Variants in UTRN observed in about 807,000 individuals in gnomAD.
UTRN encodes utrophin.
UTRN carries 283 observed loss-of-function variants against 463.9 expected under a neutral mutation model. That is an observed-to-expected ratio of 0.61 (90% CI 0.55 to 0.67). The LOEUF (loss-of-function observed/expected upper bound fraction) is 0.67, where lower values mean the gene tolerates loss of function less well. UTRN is among the 30% of genes least tolerant of loss of function. The probability of loss-of-function intolerance (pLI) is 0.00; values close to 1 mark genes in which losing one functional copy is unlikely to be tolerated. For synonymous variants in UTRN, 1,442 were observed against 1,431.5 expected, an observed-to-expected ratio of 1.01 and a Z score of -0.17; for missense variants, 3,922 against 4,084.3, an observed-to-expected ratio of 0.96 and a Z score of 1.08.
Position 144,657,224 on chromosome 6 carries a change from T to C in UTRN, c.7480-21182T>C, listed in dbSNP as rs190174710. Among the ~76,000 whole-genome samples, 1,224 of 123,546 alleles carry C rather than the reference T, an allele frequency of 9.9e-3. 14 individuals are homozygous for C. Among genetic ancestry groups the C allele is most frequent in the African/African-American group, 0.035 (1,154 of 32,624 alleles). The allele number at this position is 123,546 out of a possible 152,430, so 81.1% of individuals were successfully genotyped here. ...GAGATCGCGCCATTGCACTCCAGCC[T>C]GGGCAACAAGAGCGAAACTCCATCT... On this transcript the variant is annotated intron_variant, in intron 51 of 74. Transcript: ENST00000367545.
intron 35 of UTRN, among the ~76,000 whole-genome samples, chr6:144,512,340 A>C (rs1270650732): frequency 6.6e-6 from 1 of 152,054 alleles, no homozygotes; most frequent in East Asian, 1.9e-4. Context: ...CCATTCAAGC[A>C]GTATCTTTCT....
chr6:144,731,496 A>T (rs1298992367), intron 54 of UTRN, among the ~76,000 whole-genome samples: 1 of 152,244 alleles, frequency 6.6e-6, no homozygotes, highest in East Asian at 1.9e-4. Context: ...AACATTTATT[A>T]CTTGTAAGGG....
At chr6:144,331,791 T>C (rs1020358075) in intron 2 of UTRN, among the ~76,000 whole-genome samples, 1 of 152,186 alleles carries the variant, frequency 6.6e-6, no homozygotes. Context: ...GGAGTTTTGC[T>C]CTTCCTCAGA....
At chr6:144,580,109 CAG>C (rs1233391700) in intron 51 of UTRN, among the ~76,000 whole-genome samples, 4 of 152,118 alleles carry the variant, frequency 2.6e-5, no homozygotes, top group Non-Finnish European at 5.9e-5. Flanking sequence ...TATGAGTAAA[CAG>C]ACATTTAAAA....
At chr6:144,438,528 T>C (rs562575387) in intron 11 of UTRN, among the ~76,000 whole-genome samples, 9 of 152,328 alleles carry the variant, frequency 5.9e-5, no homozygotes, top group African/African-American at 2.2e-4. Context: ...GAATACAGGG[T>C]GCTGCTTTTT....
chr6:144,367,516 A>T (rs1779615425), intron 2 of UTRN, among the ~76,000 whole-genome samples: 1 of 152,170 alleles, frequency 6.6e-6, no homozygotes, highest in African/African-American at 2.4e-5. Context: ...GAATAATAGA[A>T]TATTTTCTAT....
At chr6:144,838,536 G>A (rs1177271011) in intron 71 of UTRN, among the ~76,000 whole-genome samples, 1 of 152,198 alleles carries the variant, frequency 6.6e-6, no homozygotes, top group Non-Finnish European at 1.5e-5. Context: ...CCATATTGAA[G>A]ATTTGCGTGA....
At chr6:144,466,282 T>C (rs1789954734) in intron 23 of UTRN, among the ~76,000 whole-genome samples, 1 of 152,256 alleles carries the variant, frequency 6.6e-6, no homozygotes, top group Non-Finnish European at 1.5e-5. Context: ...TGCTTGCTTT[T>C]TTCTGCTATC....
At chr6:144,540,993 C>G (rs767101620) in intron 45 of UTRN, among the ~76,000 whole-genome samples, 3 of 152,198 alleles carry the variant, frequency 2.0e-5, no homozygotes, top group Non-Finnish European at 2.9e-5. Context: ...CCCATTGCCA[C>G]TAACTTGTTT....
At chr6:144,614,099 G>T (rs1320988533) in intron 51 of UTRN, among the ~76,000 whole-genome samples, 1 of 151,864 alleles carries the variant, frequency 6.6e-6, no homozygotes, top group Non-Finnish European at 1.5e-5. Context: ...AGTCTCAGCA[G>T]CTTGGTTTGC....
intron 51 of UTRN, among the ~76,000 whole-genome samples, chr6:144,655,256 A>G (rs1779209729): frequency 6.6e-6 from 1 of 152,250 alleles, no homozygotes; most frequent in Admixed American, 6.5e-5. Context: ...CTACCAGCTG[A>G]CACACTTTGC....
intron 58 of UTRN, among the ~76,000 whole-genome samples, chr6:144,765,253 C>G (rs1465077865): frequency 6.6e-6 from 1 of 152,150 alleles, no homozygotes; most frequent in Non-Finnish European, 1.5e-5. Context: ...TAAAAACAAA[C>G]ACAAATAAAC....
intron 53 of UTRN, among the ~76,000 whole-genome samples, chr6:144,702,684 G>A (rs1784712069): frequency 6.6e-6 from 1 of 152,188 alleles, no homozygotes; most frequent in Non-Finnish European, 1.5e-5. Context: ...CTGGAGTGAT[G>A]TAGTAAGCAC....
At chr6:144,290,048 T>A (rs1197675745) in intron 1 of UTRN, among the ~76,000 whole-genome samples, 1 of 152,208 alleles carries the variant, frequency 6.6e-6, no homozygotes, top group Non-Finnish European at 1.5e-5. Context: ...AACCTAAATA[T>A]ACCTATATCA....
rs755491914 is a variant in UTRN at position 144,774,297 on chromosome 6, G to A, written c.8565G>A (p.Leu2855=). 1 of 1,601,790 alleles carries A rather than the reference G, an allele frequency of 6.2e-7. No individual in the cohort carries two copies. The highest frequency in any genetic ancestry group is 1.4e-5 in the African/African-American group (1 of 74,024). The part of the protein sequence containing the change: ...MTELFQSLAD[L]NNVRFSAYRT... ...TTTCTTTTTCTATTTCAGCTGACCT[G>A]AATAATGTACGTTTTTCTGCCTACC... Residue 2855 remains leucine (L), a synonymous_variant, in exon 60 of 75, where the codon CTG becomes CTA. Transcript: ENST00000367545.
chr6:144,619,659 T>A (rs547841016), intron 51 of UTRN, among the ~76,000 whole-genome samples: 4 of 152,176 alleles, frequency 2.6e-5, no homozygotes, highest in Non-Finnish European at 5.9e-5. Context: ...TTTGTCAAAA[T>A]GTGTCAAAAA....
At chr6:144,660,326 CT>C (rs1415479065) in intron 51 of UTRN, 1 of 469,198 alleles carries the variant, frequency 2.1e-6, no homozygotes. Flanking sequence ...TCTTTCTTGC[CT>C]TTTTTTTCAC....
intron 51 of UTRN, among the ~76,000 whole-genome samples, chr6:144,640,092 G>A (rs1388335212): frequency 6.6e-6 from 1 of 152,138 alleles, no homozygotes; most frequent in Non-Finnish European, 1.5e-5. Flanking sequence ...GAGAAACCAA[G>A]GGATCATGAT....
At chr6:144,621,475 C>T (rs1459409955) in intron 51 of UTRN, among the ~76,000 whole-genome samples, 3 of 152,150 alleles carry the variant, frequency 2.0e-5, no homozygotes, top group Admixed American at 1.3e-4. Flanking sequence ...TCTCTCATCC[C>T]TTTCAGACAG....
Sources: allele counts gnomAD v4.1 joint callset (sites outside exome capture counted in the v4.1 genomes callset), GRCh38; gene constraint gnomAD v4.1.1; transcripts MANE v1.5; gene names NCBI Gene and HGNC (gene_info 2026-07-23, HGNC 2026-07-21).